RYR2: variants seen among roughly 807,000 people sequenced by gnomAD.
RYR2 encodes the protein cardiac muscle ryanodine receptor-calcium release channel.
RYR2 carries 227 observed loss-of-function variants against 601.1 expected under a neutral mutation model. That is an observed-to-expected ratio of 0.38 (90% CI 0.34 to 0.42). The LOEUF is 0.42. Ranked by LOEUF, RYR2 falls within the 10% of genes least tolerant of loss-of-function variation. The probability of loss-of-function intolerance (pLI) is 1.00; values close to 1 mark genes in which losing one functional copy is unlikely to be tolerated. For missense variants in RYR2, 4,646 were observed against 6,156.5 expected (o/e 0.75, Z 8.21); for synonymous variants, 2,223 against 2,175.1 (o/e 1.02, Z -0.61).
chr1:237,327,154 A>AT (rs201989130), intron 2 of RYR2, among the ~76,000 whole-genome samples: 40 of 148,324 alleles, frequency 2.7e-4, no homozygotes, highest in East Asian at 7.9e-4. Flanking sequence ...GGTAAACACT[A>AT]TTTTTTTTTT....
chr1:237,649,476 A>C (rs1007644918), intron 49 of RYR2, among the ~76,000 whole-genome samples: 1 of 152,214 alleles, frequency 6.6e-6, no homozygotes, highest in African/African-American at 2.4e-5. Flanking sequence ...ATGAATAATA[A>C]AGAGAATTCA....
intron 2 of RYR2, among the ~76,000 whole-genome samples, chr1:237,326,397 C>G (rs914318615): frequency 6.6e-6 from 1 of 152,140 alleles, no homozygotes; most frequent in African/African-American, 2.4e-5. Flanking sequence ...TATTATTACC[C>G]TCCTGCAAGC....
chr1:237,551,507 G>T (rs974733767), intron 27 of RYR2, among the ~76,000 whole-genome samples: 7 of 136,270 alleles, frequency 5.1e-5, no homozygotes, highest in Non-Finnish European at 7.7e-5. Flanking sequence ...CTCCAGCCTG[G>T]GTGACAGAGC....
At chr1:237,153,434 T>C (rs1004820042) in intron 1 of RYR2, among the ~76,000 whole-genome samples, 1 of 152,174 alleles carries the variant, frequency 6.6e-6, no homozygotes, top group Non-Finnish European at 1.5e-5. Context: ...TAAATAACGA[T>C]GGACCTTTAT....
chr1:237,362,525 T>G (rs973841784), intron 4 of RYR2, among the ~76,000 whole-genome samples: 1 of 152,322 alleles, frequency 6.6e-6, no homozygotes, highest in Non-Finnish European at 1.5e-5. Flanking sequence ...TTTGTTGTTA[T>G]TCTTTTTCTG....
intron 8 of RYR2, among the ~76,000 whole-genome samples, chr1:237,382,765 A>G (rs1701639383): frequency 6.6e-6 from 1 of 152,184 alleles, no homozygotes; most frequent in African/African-American, 2.4e-5. Flanking sequence ...AAGAGTGATC[A>G]TAAATATTTT....
At chr1:237,729,261 T>C (rs1274047932) in intron 76 of RYR2, among the ~76,000 whole-genome samples, 1 of 152,204 alleles carries the variant, frequency 6.6e-6, no homozygotes, top group East Asian at 1.9e-4. Context: ...TAAACTCATT[T>C]AAAAAGTATT....
intron 1 of RYR2, among the ~76,000 whole-genome samples, chr1:237,148,521 A>ATTATATAT (rs1417305977): frequency 5.7e-4 from 25 of 43,996 alleles, no homozygotes; most frequent in African/African-American, 1.3e-3. Context: ...CAAGTAAAAA[A>ATTATATAT]AAAAAAATAT....
At chr1:237,312,867 AAG>A (rs1694711161) in intron 2 of RYR2, among the ~76,000 whole-genome samples, 3 of 152,228 alleles carry the variant, frequency 2.0e-5, no homozygotes, top group African/African-American at 7.2e-5. Flanking sequence ...AATGAAAAAT[AAG>A]AGTCATTTTC....
intron 63 of RYR2, among the ~76,000 whole-genome samples, chr1:237,693,651 T>C (rs1687142253): frequency 6.6e-6 from 1 of 152,256 alleles, no homozygotes; most frequent in Non-Finnish European, 1.5e-5. Context: ...AATATTATTA[T>C]GTGTTTAACA....
intron 2 of RYR2, among the ~76,000 whole-genome samples, chr1:237,317,060 T>C (rs1333385966): frequency 6.6e-6 from 1 of 152,200 alleles, no homozygotes; most frequent in Non-Finnish European, 1.5e-5. Flanking sequence ...GGCTGATGAT[T>C]GTGCTTCAAA....
chr1:237,709,040 C>A lies in RYR2; in HGVS notation c.10084C>A (p.Leu3362Met). ...ELLILDEFTTLARDLYAFYPL... is the reference protein window; with the variant it reads ...ELLILDEFTTMARDLYAFYPL... The stretch of plus-strand genomic sequence containing the variant: ...CCTCATCCTAGATGAGTTCACCACA[C>A]TGGCCAGAGATCTCTATGCCTTCTA... Residue 3362 changes from leucine (L) to methionine (M), a missense_variant, in exon 69 of 105, where the codon CTG becomes ATG. Leu to Met is a conservative substitution (Grantham distance 15, BLOSUM62 2). Transcript: ENST00000366574. 1 of 1,611,712 alleles carries A rather than the reference C, an allele frequency of 6.2e-7. No homozygotes were observed. The highest frequency in any genetic ancestry group is 8.5e-7 in the Non-Finnish European group (1 of 1,178,042).
At chr1:237,764,568 C>G (rs1451192891) in intron 84 of RYR2, among the ~76,000 whole-genome samples, 1 of 152,006 alleles carries the variant, frequency 6.6e-6, no homozygotes, top group Non-Finnish European at 1.5e-5. Context: ...CCTGCCTCAG[C>G]CTCTCAAGTA....
chr1:237,740,477 A>AT (rs1179409109), intron 79 of RYR2, among the ~76,000 whole-genome samples: 4 of 151,866 alleles, frequency 2.6e-5, no homozygotes, highest in African/African-American at 4.8e-5. Context: ...TTTATTAAAA[A>AT]TTTTTTTCAG....
intron 1 of RYR2, among the ~76,000 whole-genome samples, chr1:237,161,199 G>A (rs1675969959): frequency 6.6e-6 from 1 of 152,082 alleles, no homozygotes; most frequent in Admixed American, 6.6e-5. Context: ...ATTATAATGT[G>A]TATTTGATTA....
chr1:237,513,617 C>T (rs1300738622), intron 24 of RYR2, among the ~76,000 whole-genome samples: 2 of 152,186 alleles, frequency 1.3e-5, no homozygotes, highest in East Asian at 3.9e-4. Context: ...GTTGTCATAA[C>T]ATCCTAGTGC....
chr1:237,506,863 G>T lies in RYR2; in HGVS notation c.2718+49G>T. 2.0e-6 allele frequency: 3 copies of T among 1,464,788 alleles called. No homozygotes were observed. In the South Asian group the frequency reaches 3.5e-5, roughly 17 times the overall value. 90.7% of individuals were successfully genotyped at this position (1,464,788 alleles called of 1,614,324 possible). On this transcript the variant is annotated intron_variant, in intron 23 of 104. Transcript: ENST00000366574. Reference sequence around the variant, plus strand: ...TCAGATTCTGTGAATACATCTTTCTGAAAACATAACTTTTTCTGCCTTTTC... The same window carrying T: ...TCAGATTCTGTGAATACATCTTTCTTAAAACATAACTTTTTCTGCCTTTTC...
At chr1:237,416,638 T>G (rs1227994219) in intron 10 of RYR2, among the ~76,000 whole-genome samples, 1 of 152,148 alleles carries the variant, frequency 6.6e-6, no homozygotes, top group Non-Finnish European at 1.5e-5. Context: ...TATACATATG[T>G]TGAAATAATG....
chr1:237,614,857 G>A lies in RYR2; in HGVS notation c.5715+14G>A. ...GTTAAATTGCAGGTAATCAGAACAA[G>A]AGACTTGAGTGAATTTCAGAATTGC... On this transcript the variant is annotated intron_variant, in intron 37 of 104. Coordinates refer to ENST00000366574, the MANE Select transcript of RYR2 (RefSeq NM_001035.3). The surrounding 1 kb of genome is among the most constrained non-coding windows in gnomAD (Gnocchi z 4.3). 1 of 1,540,990 alleles carries A rather than the reference G, an allele frequency of 6.5e-7. No homozygotes were observed. Among genetic ancestry groups the A allele is most frequent in the Non-Finnish European group, 8.7e-7 (1 of 1,148,036 alleles).
Sources: allele counts gnomAD v4.1 joint callset (sites outside exome capture counted in the v4.1 genomes callset), GRCh38; gene constraint gnomAD v4.1.1; non-coding constraint Gnocchi (gnomAD v3.1); transcripts MANE v1.5; gene names NCBI Gene and HGNC (gene_info 2026-07-23, HGNC 2026-07-21).